SLC25A26: variants seen among roughly 807,000 people sequenced by gnomAD.
SLC25A26 encodes the protein mitochondrial S-adenosylmethionine carrier protein.
A neutral mutation model predicts 37.8 loss-of-function variants in SLC25A26; 36 were observed. The observed-to-expected ratio is 0.95, with a 90% CI of 0.73 to 1.26. SLC25A26 has a LOEUF of 1.26. Ranked by LOEUF, SLC25A26 falls within the 50% of genes most tolerant of loss-of-function variation. The pLI is 0.00. For synonymous variants in SLC25A26, 129 were observed against 122.5 expected (o/e 1.05, Z -0.35); for missense variants, 390 against 331.1 (o/e 1.18, Z -1.38).
intron 1 of SLC25A26, among the ~76,000 whole-genome samples, chr3:66,232,707 C>G (rs1048635340): frequency 2.0e-5 from 3 of 152,122 alleles, no homozygotes; most frequent in South Asian, 4.1e-4. Flanking sequence ...GCACATAGTG[C>G]GAGTTTTGGG....
intron 1 of SLC25A26, among the ~76,000 whole-genome samples, chr3:66,183,389 C>G (rs1290166514): frequency 3.3e-5 from 5 of 152,000 alleles, no homozygotes; most frequent in Non-Finnish European, 5.9e-5. Flanking sequence ...TAGGCAGACT[C>G]TAACTCTGAG....
intron 9 of SLC25A26, chr3:66,371,061 A>T: frequency 7.9e-7 from 1 of 1,267,860 alleles, no homozygotes; most frequent in Non-Finnish European, 1.0e-6. Flanking sequence ...CCATTGTGCT[A>T]CAGAAGTGCC....
At chr3:66,253,032 C>A (rs903048203) in intron 3 of SLC25A26, among the ~76,000 whole-genome samples, 1 of 148,536 alleles carries the variant, frequency 6.7e-6, no homozygotes, top group Non-Finnish European at 1.5e-5. Context: ...TGCCCCCCCC[C>A]CCCCATAAAT....
chr3:66,147,052 C>T (rs1417351271), intron 1 of SLC25A26, among the ~76,000 whole-genome samples: 1 of 96,926 alleles, frequency 1.0e-5, no homozygotes, highest in Admixed American at 1.2e-4. Context: ...ATCTTCCCTT[C>T]CCTTCCCTTC....
chr3:66,220,960 T>G, upstream of SLC25A26: 6 of 911,504 alleles, frequency 6.6e-6, no homozygotes, highest in South Asian at 1.4e-5. Context: ...GCACGTGCAG[T>G]TGTTGTGGTT....
chr3:66,265,584 C>A (rs150698149), intron 5 of SLC25A26, among the ~76,000 whole-genome samples: 62 of 152,308 alleles, frequency 4.1e-4, no homozygotes, highest in African/African-American at 1.4e-3. Context: ...TACTGAAATT[C>A]ATTGAAATCC....
chr3:66,140,176 A>C (rs537240157), intron 1 of SLC25A26, among the ~76,000 whole-genome samples: 1 of 152,316 alleles, frequency 6.6e-6, no homozygotes, highest in South Asian at 2.1e-4. Context: ...ATGTATTAAC[A>C]CTTGCAAGTA....
At chr3:66,290,947 G>T (rs952330683) in intron 5 of SLC25A26, among the ~76,000 whole-genome samples, 1 of 152,020 alleles carries the variant, frequency 6.6e-6, no homozygotes, top group Non-Finnish European at 1.5e-5. Flanking sequence ...CTGGTACTGG[G>T]CCTTTTTTGG....
At chr3:66,311,401 T>C (rs2075373246) in intron 5 of SLC25A26, among the ~76,000 whole-genome samples, 2 of 152,112 alleles carry the variant, frequency 1.3e-5, no homozygotes, top group Admixed American at 6.5e-5. Flanking sequence ...TAACCTTTTA[T>C]CAAGGTTCTT....
chr3:66,262,153 G>C lies in SLC25A26; in HGVS notation c.403G>C (p.Glu135Gln). 1.3e-6 allele frequency: 2 copies of C among 1,485,950 alleles called. No individual in the cohort carries two copies. The highest frequency in any genetic ancestry group is 1.8e-6 in the Non-Finnish European group (2 of 1,092,534). The allele number at this position is 1,485,950 out of a possible 1,614,324, so 92.0% of individuals were successfully genotyped here. A position where few individuals can be genotyped will look rare whatever the true frequency, so the allele number is the denominator to read the frequency against. The change falls in exon 4 of 10, where the codon GAG becomes CAG. Residue 135 changes from glutamate to glutamine, a missense_variant and splice_region_variant. Glu to Gln is a conservative substitution (Grantham distance 29). Transcript: ENST00000354883. ...GATTTTCTCTAACATCTTATATGAA[G>C]AGGTGAGATGGGTTTTTTAAGCTCT... The part of the protein sequence containing the change: ...FQIFSNILYE[E>Q]GIQGLYRGYK...
chr3:66,238,787 G>A (rs1188176821), intron 2 of SLC25A26, among the ~76,000 whole-genome samples: 2 of 152,150 alleles, frequency 1.3e-5, no homozygotes, highest in Non-Finnish European at 2.9e-5. Flanking sequence ...TCTTCATGTT[G>A]AGTAGGCTGA....
chr3:66,243,054 T>A, intron 2 of SLC25A26, 149 bp from the exon 3 acceptor site: 1 of 516,496 alleles, frequency 1.9e-6, no homozygotes, highest in South Asian at 2.9e-5. Context: ...TCTGAAAGAG[T>A]GGGGGTAGGA....
In SLC25A26 at chr3:66,369,478, G is replaced by A; in HGVS notation, c.569G>A (p.Gly190Asp). Residue 190 changes from glycine to aspartate, a missense_variant and splice_region_variant, in exon 8 of 10, where the codon GGT becomes GAT. Transcript: ENST00000354883. ...WQSAVCGAFA[G>D]GFAAAVTTPL... ...TGGGTGTTGGGTATTATTTGTACAG[G>A]TGGATTTGCCGCTGCAGTCACCACC... is the stretch of plus-strand genomic sequence containing the variant. 1 of 1,602,630 alleles carries A rather than the reference G, an allele frequency of 6.2e-7. No individual in the cohort carries two copies. Among genetic ancestry groups the A allele is most frequent in the South Asian group, 1.1e-5 (1 of 88,198 alleles).
chr3:66,309,467 A>C (rs1008912486), intron 5 of SLC25A26, among the ~76,000 whole-genome samples: 1 of 149,772 alleles, frequency 6.7e-6, no homozygotes, highest in African/African-American at 2.4e-5. Context: ...GGATTCATTG[A>C]TTTTTTTTTT....
intron 5 of SLC25A26, among the ~76,000 whole-genome samples, chr3:66,331,026 C>CAT (rs2075961450): frequency 6.6e-6 from 1 of 151,868 alleles, no homozygotes; most frequent in African/African-American, 2.4e-5. Flanking sequence ...ATATTATTTA[C>CAT]ATATATGGAA....
In SLC25A26 at chr3:66,377,060, G is replaced by T. The variant is rs557759860; in HGVS notation, c.708-630G>T. ...CAAATATCTGAGTAGGTATGGGGAGGGGGGGCAGTTTTAAAGAATGAATCC... is the reference window on the plus strand; with the variant it reads ...CAAATATCTGAGTAGGTATGGGGAGTGGGGGCAGTTTTAAAGAATGAATCC... On this transcript the variant is annotated intron_variant, in intron 9 of 9. Coordinates refer to ENST00000354883, the MANE Select transcript of SLC25A26 (RefSeq NM_001379210.1). Among the ~76,000 whole-genome samples, 4 of 152,232 alleles carry T rather than the reference G, an allele frequency of 2.6e-5. No individual in the cohort carries two copies. In the East Asian group the frequency reaches 5.8e-4, roughly 22 times the overall value.
rs76674961 is a variant in SLC25A26 at position 66,153,858 on chromosome 3, C to T, written c.-354+19874C>T. ...AAAGATTTGTCTGAAGACAGTGTTACTGCTTCCAAAGCACCGAGGGAGCTC... is the reference window on the plus strand; with the variant it reads ...AAAGATTTGTCTGAAGACAGTGTTATTGCTTCCAAAGCACCGAGGGAGCTC... On this transcript the variant is annotated intron_variant, in intron 1 of 10. Coordinates refer to the SLC25A26 transcript ENST00000676754. Among the ~76,000 whole-genome samples, 1,404 of 152,300 alleles carry T rather than the reference C, an allele frequency of 9.2e-3. 27 individuals are homozygous for T. The highest frequency in any genetic ancestry group is 0.069 in the East Asian group (357 of 5,176).
At chr3:66,200,824 T>C (rs1448976372) in intron 1 of SLC25A26, among the ~76,000 whole-genome samples, 2 of 152,164 alleles carry the variant, frequency 1.3e-5, no homozygotes, top group Non-Finnish European at 2.9e-5. Context: ...GAGTTCATGT[T>C]GGATAAGGTT....
At chr3:66,325,093 A>G (rs377753783) in intron 5 of SLC25A26, among the ~76,000 whole-genome samples, 3 of 152,136 alleles carry the variant, frequency 2.0e-5, no homozygotes, top group African/African-American at 4.8e-5. Flanking sequence ...AGGATTGACA[A>G]CCCTTGCCTT....
Sources: gnomAD v4.1 joint callset for allele counts (sites outside exome capture counted in the v4.1 genomes callset) on GRCh38, gnomAD v4.1.1 for gene constraint, MANE v1.5 for transcripts, NCBI Gene and HGNC (gene_info 2026-07-23, HGNC 2026-07-21) for gene names.